The following LMNB1 variants were observed in gnomAD, a reference collection of about 807,000 sequenced individuals.
LMNB1 encodes lamin B1.
LMNB1 carries 23 observed loss-of-function variants against 67.1 expected under a neutral mutation model. That is an observed-to-expected ratio of 0.34 (90% CI 0.25 to 0.49). The LOEUF (loss-of-function observed/expected upper bound fraction) is 0.49, where lower values mean the gene tolerates loss of function less well. Among genes scored for constraint, LMNB1 ranks in the 20% least tolerant of loss-of-function variants. The probability of loss-of-function intolerance (pLI) is 0.99; values close to 1 mark genes in which losing one functional copy is unlikely to be tolerated. For synonymous variants in LMNB1, 281 were observed against 282.9 expected, an observed-to-expected ratio of 0.99 and a Z score of 0.07; for missense variants, 634 against 746.5, an observed-to-expected ratio of 0.85 and a Z score of 1.76.
intron 1 of LMNB1, among the ~76,000 whole-genome samples, chr5:126,784,795 A>G (rs1416804779): frequency 1.3e-5 from 2 of 150,188 alleles, no homozygotes; most frequent in African/African-American, 4.9e-5. Context: ...GAGTAACTGG[A>G]ACTACAGGCG....
chr5:126,822,013 C>CTTTTTTT (rs34781275), intron 7 of LMNB1, among the ~76,000 whole-genome samples: 3 of 141,558 alleles, frequency 2.1e-5, no homozygotes, highest in African/African-American at 7.9e-5. Flanking sequence ...TCTTTGTAGC[C>CTTTTTTT]TTTTTTTTTT....
intron 1 of LMNB1, among the ~76,000 whole-genome samples, chr5:126,803,533 C>A (rs914655556): frequency 6.6e-6 from 1 of 151,940 alleles, no homozygotes; most frequent in African/African-American, 2.4e-5. Flanking sequence ...CAGGCATGAG[C>A]CACCACGCCC....
chr5:126,805,337 G>A (rs1048549950), intron 2 of LMNB1, among the ~76,000 whole-genome samples: 4 of 152,182 alleles, frequency 2.6e-5, no homozygotes, highest in Admixed American at 6.5e-5. Context: ...ATACGTCTCT[G>A]TTCTATTCCC....
chr5:126,834,792 C>T (rs62392861), intron 10 of LMNB1, among the ~76,000 whole-genome samples: 11,277 of 152,152 alleles, frequency 0.074, 496 homozygotes, highest in Non-Finnish European at 0.099. Context: ...AGGAGAATGG[C>T]GTGAACCCGG....
upstream of LMNB1, chr5:126,776,627 C>G (rs1750450761): frequency 6.6e-6 from 1 of 152,262 alleles, no homozygotes; most frequent in Non-Finnish European, 1.5e-5. Flanking sequence ...TCCAGCGGAG[C>G]GGGGGATAAG....
intron 5 of LMNB1, among the ~76,000 whole-genome samples, chr5:126,815,474 C>T (rs1751684824): frequency 2.0e-5 from 3 of 152,222 alleles, no homozygotes; most frequent in African/African-American, 7.2e-5. Context: ...TTAAAAACAC[C>T]TCTAACTTTT....
Position 126,804,810 on chromosome 5 carries a change from C to G in LMNB1, c.394C>G (p.Gln132Glu), listed in dbSNP as rs760058816. 6.2e-7 allele frequency: 1 copy of G among 1,613,866 alleles called. No homozygotes were observed. The highest frequency in any genetic ancestry group is 1.3e-5 in the African/African-American group (1 of 74,876). ...AKKESDLNGA[Q>E]IKLREYEAAL... Reference sequence around the variant, plus strand: ...GAAGGAATCTGATCTTAATGGCGCCCAGATCAAGCTTCGAGAATATGAAGC... The same window carrying G: ...GAAGGAATCTGATCTTAATGGCGCCGAGATCAAGCTTCGAGAATATGAAGC... Residue 132 changes from glutamine (Q) to glutamate (E), a missense_variant, in exon 2 of 11, where the codon CAG (glutamine) becomes GAG (glutamate). Physicochemically the swap from Gln to Glu is conservative, Grantham distance 29. Coordinates refer to ENST00000261366, the MANE Select transcript of LMNB1 (RefSeq NM_005573.4).
At chr5:126,825,735 G>A (rs1053567304) in intron 8 of LMNB1, among the ~76,000 whole-genome samples, 2 of 152,158 alleles carry the variant, frequency 1.3e-5, no homozygotes, top group East Asian at 1.9e-4. Context: ...GTGTGTAAAG[G>A]AACTAGGATG....
intron 1 of LMNB1, among the ~76,000 whole-genome samples, chr5:126,797,695 T>C (rs1751137937): frequency 6.6e-6 from 1 of 152,178 alleles, no homozygotes; most frequent in Admixed American, 6.5e-5. Flanking sequence ...AATAATATGG[T>C]TAGAAAATTA....
At chr5:126,778,935 T>C (rs765746022) in intron 1 of LMNB1, among the ~76,000 whole-genome samples, 2 of 152,162 alleles carry the variant, frequency 1.3e-5, no homozygotes, top group Non-Finnish European at 1.5e-5. Flanking sequence ...CTGGCCTTAT[T>C]TTGACTTTCT....
At chr5:126,824,868 G>C (rs1007545733) in intron 8 of LMNB1, among the ~76,000 whole-genome samples, 4 of 16,608 alleles carry the variant, frequency 2.4e-4, no homozygotes, top group African/African-American at 1.1e-3. Context: ...TCTTTTTTTT[G>C]ATAGAGACAG....
Position 126,836,330 on chromosome 5 carries a change from C to T in LMNB1, c.*66C>T. The T allele has an allele frequency of 1.0e-6, 1 of 995,326 alleles. No homozygotes were observed. The highest frequency in any genetic ancestry group is 1.5e-6 in the Non-Finnish European group (1 of 659,240). 61.7% of individuals were successfully genotyped at this position (995,326 alleles called of 1,614,324 possible). ...TCTTTACCTGTATACAGTGCAGAGC[C>T]TTCTCAGAAGCACAGAATATTTTTA... On this transcript the variant is annotated 3_prime_UTR_variant, in exon 11 of 11. Transcript: ENST00000261366.
chr5:126,789,995 A>G (rs887212771), intron 1 of LMNB1, among the ~76,000 whole-genome samples: 1 of 150,640 alleles, frequency 6.6e-6, no homozygotes, highest in Non-Finnish European at 1.5e-5. Flanking sequence ...TTTAATAGAG[A>G]TGAGGTTTCT....
chr5:126,822,690 T>TAAACCA, intron 7 of LMNB1, 91 bp from the exon 8 acceptor site: 1 of 723,920 alleles, frequency 1.4e-6, no homozygotes, highest in South Asian at 1.9e-5. Flanking sequence ...GCGGTCTTAG[T>TAAACCA]TTAACTGCCT....
intron 3 of LMNB1, among the ~76,000 whole-genome samples, chr5:126,808,450 A>G (rs2126714798): frequency 6.6e-6 from 1 of 151,936 alleles, no homozygotes; most frequent in South Asian, 2.1e-4. Flanking sequence ...CAGCCTCCCA[A>G]AGTGCTGGGA....
chr5:126,784,240 G>C lies in LMNB1; in HGVS notation c.359+6373G>C, dbSNP rs561921707. 4.6e-5 allele frequency among the ~76,000 whole-genome samples: 7 copies of C among 151,942 alleles called. No homozygotes were observed. In the South Asian group the frequency reaches 1.5e-3, roughly 32 times the overall value. On this transcript the variant is annotated intron_variant, in intron 1 of 10. Coordinates refer to ENST00000261366, the MANE Select transcript of LMNB1 (RefSeq NM_005573.4). ...CTTGGGGTTTTTCCATGTTGGTCAG[G>C]CTGGTCTGGAATTCCCAACCTTGGA...
intron 1 of LMNB1, among the ~76,000 whole-genome samples, chr5:126,797,124 T>A (rs1751119943): frequency 6.6e-6 from 1 of 152,216 alleles, no homozygotes; most frequent in Non-Finnish European, 1.5e-5. Context: ...GATACTTGAT[T>A]ACACCTGGTT....
chr5:126,818,847 A>C (rs1283384989), intron 5 of LMNB1, 75 bp from the exon 6 acceptor site: 1 of 1,010,486 alleles, frequency 9.9e-7, no homozygotes, highest in African/African-American at 1.6e-5. Flanking sequence ...CAGTCTAGGA[A>C]ATGATTTAAA....
intron 4 of LMNB1, among the ~76,000 whole-genome samples, chr5:126,811,305 T>G (rs1296329137): frequency 2.0e-5 from 3 of 151,582 alleles, no homozygotes; most frequent in East Asian, 3.9e-4. Context: ...ACTCAAGGAG[T>G]TTTTTTTGCT....
Sources: allele counts gnomAD v4.1 joint callset (sites outside exome capture counted in the v4.1 genomes callset), GRCh38; gene constraint gnomAD v4.1.1; transcripts MANE v1.5; gene names NCBI Gene and HGNC (gene_info 2026-07-23, HGNC 2026-07-21).